The following RBKS variants were observed in gnomAD, a reference collection of about 807,000 sequenced individuals.
RBKS encodes ribokinase.
RBKS carries 33 observed loss-of-function variants against 33.9 expected under a neutral mutation model. The ratio of observed to expected loss-of-function variants is 0.97; its 90% CI spans 0.74 to 1.30. RBKS has a LOEUF of 1.30. RBKS is among the 50% of genes most tolerant of loss of function. The pLI is 0.00. For synonymous variants in RBKS, 125 were observed against 143.0 expected, an observed-to-expected ratio of 0.87 and a Z score of 0.90; for missense variants, 361 against 392.6, an observed-to-expected ratio of 0.92 and a Z score of 0.68.
intron 1 of RBKS, among the ~76,000 whole-genome samples, chr2:27,876,977 A>G (rs1304560216): frequency 1.3e-5 from 2 of 152,196 alleles, no homozygotes; most frequent in African/African-American, 2.4e-5. Flanking sequence ...AATCCAGTAC[A>G]TGTCAAACTT....
chr2:27,817,057 T>C (rs971705180), intron 7 of RBKS, among the ~76,000 whole-genome samples: 5 of 152,178 alleles, frequency 3.3e-5, no homozygotes, highest in Non-Finnish European at 7.4e-5. Flanking sequence ...CTGAGAAAAC[T>C]AAGGCTTAGG....
At chr2:27,784,975 GTTA>G (rs751302407) in intron 7 of RBKS, among the ~76,000 whole-genome samples, 13 of 152,230 alleles carry the variant, frequency 8.5e-5, no homozygotes, top group Non-Finnish European at 1.3e-4. Flanking sequence ...TGACTGGAGG[GTTA>G]TTATGAAAAC....
chr2:27,784,298 C>A (rs1003525698), intron 7 of RBKS, among the ~76,000 whole-genome samples: 8 of 152,022 alleles, frequency 5.3e-5, no homozygotes, highest in African/African-American at 1.9e-4. Flanking sequence ...GGGTCATTTT[C>A]TACCTCTTCC....
At chr2:27,803,785 G>A (rs555237354) in intron 7 of RBKS, among the ~76,000 whole-genome samples, 10 of 152,002 alleles carry the variant, frequency 6.6e-5, no homozygotes, top group Admixed American at 3.3e-4. Context: ...GGTGACTCAC[G>A]CCTGTAATCC....
At chr2:27,793,047 CAAAAGCAA>C (rs1677568266) in intron 7 of RBKS, among the ~76,000 whole-genome samples, 1 of 152,096 alleles carries the variant, frequency 6.6e-6, no homozygotes, top group Admixed American at 6.5e-5. Context: ...CCACAAAATG[CAAAAGCAA>C]TTTACTTAAA....
intron 4 of RBKS, among the ~76,000 whole-genome samples, chr2:27,844,625 G>A (rs1663584967): frequency 6.6e-6 from 1 of 152,046 alleles, no homozygotes; most frequent in Admixed American, 6.6e-5. Flanking sequence ...TCGAACTCCT[G>A]ACCTCATGTG....
At chr2:27,800,757 G>A (rs886672365) in intron 7 of RBKS, among the ~76,000 whole-genome samples, 2 of 152,190 alleles carry the variant, frequency 1.3e-5, no homozygotes, top group African/African-American at 4.8e-5. Context: ...CACAGTAGAA[G>A]GATAAAGGCA....
chr2:27,860,871 T>C (rs1011823528), intron 1 of RBKS, among the ~76,000 whole-genome samples: 2 of 152,218 alleles, frequency 1.3e-5, no homozygotes, highest in Admixed American at 1.3e-4. Flanking sequence ...TTCTCCATTT[T>C]ATGCAATGTG....
Position 27,890,293 on chromosome 2 carries a change from A to ACCG in RBKS, c.50_52dup (p.Ala17dup). The ACCG allele has an allele frequency of 6.2e-7, 1 of 1,613,356 alleles. No homozygotes were observed. Among genetic ancestry groups the ACCG allele is most frequent in the Non-Finnish European group, 8.5e-7 (1 of 1,179,892 alleles). ...GGTCATGCAGGAGCCCACCACTACC[A>ACCG]CCGCCGCCACCTCCTCTTGCCACTG... On this transcript the variant is annotated inframe_insertion, in exon 1 of 8. Transcript: ENST00000302188. This position sits in a 1 kb window ranked among gnomAD's most constrained non-coding sequence, Gnocchi z 4.8.
At chr2:27,879,071 C>T (rs6706209) in intron 1 of RBKS, among the ~76,000 whole-genome samples, 98,870 of 152,070 alleles carry the variant, frequency 0.65, 33,934 homozygotes, top group Middle Eastern at 0.8. Context: ...CACACAAGCA[C>T]ATCCATGATT....
intron 7 of RBKS, among the ~76,000 whole-genome samples, chr2:27,801,959 AAAAAATATATATATAT>A (rs1198523190): frequency 4.7e-5 from 3 of 63,472 alleles, no homozygotes; most frequent in African/African-American, 1.8e-4. Flanking sequence ...GGAAAAAAAA[AAAAAATATATATATAT>A]ATATATATAT....
chr2:27,824,381 C>G (rs1177594545), intron 7 of RBKS, among the ~76,000 whole-genome samples: 1 of 152,164 alleles, frequency 6.6e-6, no homozygotes. Context: ...AGTTTCTCCC[C>G]ATTCCTCCTC....
intron 7 of RBKS, among the ~76,000 whole-genome samples, chr2:27,799,349 G>A (rs1325564120): frequency 1.2e-4 from 19 of 152,126 alleles, no homozygotes; most frequent in Non-Finnish European, 5.9e-5. Context: ...TTAGGAATCC[G>A]TACCCACGCT....
At chr2:27,789,909 GTGTGTGTT>G (rs1483668894) in intron 7 of RBKS, among the ~76,000 whole-genome samples, 4 of 123,358 alleles carry the variant, frequency 3.2e-5, no homozygotes, top group African/African-American at 1.0e-4. Flanking sequence ...GAGTGTGTGT[GTGTGTGTT>G]TGTGTGTGTA....
At position 27,789,986 on chromosome 2, in the gene RBKS, T is replaced by G. The variant is rs929611587; in HGVS notation, c.796-8198A>C. Among the ~76,000 whole-genome samples, 96 of 130,928 alleles carry G rather than the reference T, an allele frequency of 7.3e-4. 1 individual carries two copies. Among genetic ancestry groups the G allele is most frequent in the African/African-American group, 2.2e-3 (74 of 33,958 alleles). The allele number at this position is 130,928 out of a possible 152,430, so 85.9% of individuals were successfully genotyped here. A position where few individuals can be genotyped will look rare whatever the true frequency, so the allele number is the denominator to read the frequency against. On this transcript the variant is annotated intron_variant, in intron 7 of 7. Coordinates refer to ENST00000302188, the MANE Select transcript of RBKS (RefSeq NM_022128.3). ...ATATATATATATGTATATATATATGTAGAGAGAGAGAGAGAGAGAGAGAGA... is the reference window on the plus strand; with the variant it reads ...ATATATATATATGTATATATATATGGAGAGAGAGAGAGAGAGAGAGAGAGA...
intron 7 of RBKS, among the ~76,000 whole-genome samples, chr2:27,823,527 C>T (rs949487163): frequency 6.6e-6 from 1 of 152,114 alleles, no homozygotes; most frequent in Non-Finnish European, 1.5e-5. Context: ...ACCCTCCTGA[C>T]AGAAAAGTGA....
Position 27,890,206 on chromosome 2 carries a change from G to T in RBKS, c.89+51C>A, listed in dbSNP as rs758539982. The T allele has an allele frequency of 2.6e-6, 4 of 1,563,632 alleles. No homozygotes were observed. In the Admixed American group the frequency reaches 5.1e-5, roughly 20 times the overall value. The stretch of plus-strand genomic sequence containing the variant: ...AAGCTCCACTGGGCGCATAGCGCAC[G>T]GCACGCCTCCTCCCCCGAGCCGCAG... On this transcript the variant is annotated intron_variant, in intron 1 of 7. Transcript: ENST00000302188. This position sits in a 1 kb window ranked among gnomAD's most constrained non-coding sequence, Gnocchi z 4.8.
intron 7 of RBKS, among the ~76,000 whole-genome samples, chr2:27,798,196 G>C (rs1279886053): frequency 2.6e-5 from 4 of 152,100 alleles, no homozygotes; most frequent in Non-Finnish European, 4.4e-5. Flanking sequence ...AAGTTGGGGG[G>C]TATGTAGCCA....
chr2:27,789,949 G>GTATGTA (rs1677484531), intron 7 of RBKS, among the ~76,000 whole-genome samples: 1 of 121,512 alleles, frequency 8.2e-6, no homozygotes, highest in African/African-American at 3.3e-5. Context: ...ATGTATATGT[G>GTATGTA]TATATATATA....
Sources: gnomAD v4.1 joint callset for allele counts (sites outside exome capture counted in the v4.1 genomes callset) on GRCh38, gnomAD v4.1.1 for gene constraint, Gnocchi (gnomAD v3.1) non-coding constraint, MANE v1.5 for transcripts, NCBI Gene and HGNC (gene_info 2026-07-23, HGNC 2026-07-21) for gene names.